Variants in INO80C observed in about 807,000 individuals in gnomAD.
The protein encoded by INO80C is INO80 complex subunit C, also known as IES6 homolog.
Under a neutral mutation model 17.7 loss-of-function variants are expected in INO80C, and 17 were observed. The ratio of observed to expected loss-of-function variants is 0.96; its 90% CI spans 0.66 to 1.44. The LOEUF (loss-of-function observed/expected upper bound fraction) is 1.44, where lower values mean the gene tolerates loss of function less well. INO80C is among the 40% of genes most tolerant of loss of function. INO80C has a pLI of 0.00. For synonymous variants in INO80C, 96 were observed against 95.8 expected, an observed-to-expected ratio of 1.00 and a Z score of -0.01; for missense variants, 244 against 245.0, an observed-to-expected ratio of 1.00 and a Z score of 0.03.
intron 1 of INO80C, chr18:35,487,929 C>CT: frequency 6.6e-6 from 1 of 152,286 alleles, no homozygotes; most frequent in East Asian, 1.9e-4. Flanking sequence ...AACAAAGGGG[C>CT]TACAGGACCC....
At chr18:35,478,370 AGAT>A in intron 3 of INO80C, 21 bp from the exon 4 acceptor site, 1 of 1,469,956 alleles carries the variant, frequency 6.8e-7, no homozygotes, top group Non-Finnish European at 9.3e-7. Context: ...AAAAAAAAAA[AGAT>A]AACTAAACTG....
At chr18:35,474,696 A>C (rs1454522262) in intron 4 of INO80C, among the ~76,000 whole-genome samples, 1 of 152,136 alleles carries the variant, frequency 6.6e-6, no homozygotes, top group Non-Finnish European at 1.5e-5. Context: ...CTAAATAAAT[A>C]AATAATTTAA....
chr18:35,475,607 C>A (rs139752504), intron 4 of INO80C, among the ~76,000 whole-genome samples: 129 of 151,696 alleles, frequency 8.5e-4, no homozygotes, highest in African/African-American at 3.1e-3. Flanking sequence ...GAGGTCAAGA[C>A]GGCTGCAGTG....
intron 4 of INO80C, among the ~76,000 whole-genome samples, chr18:35,473,995 G>A (rs143902953): frequency 6.6e-6 from 1 of 151,680 alleles, no homozygotes; most frequent in East Asian, 1.9e-4. Context: ...CATCCATAAT[G>A]TCCAGTACAC....
intron 4 of INO80C, among the ~76,000 whole-genome samples, chr18:35,473,943 C>T (rs557484131): frequency 1.4e-4 from 22 of 152,054 alleles, no homozygotes; most frequent in African/African-American, 5.1e-4. Flanking sequence ...AAAAAATACT[C>T]TTCAAGGAAA....
chr18:35,497,957 T>C lies in INO80C; in HGVS notation c.-83A>G, dbSNP rs1325586242. 1.4e-6 allele frequency: 2 copies of C among 1,394,006 alleles called. No homozygotes were observed. The highest frequency in any genetic ancestry group is 1.9e-6 in the Non-Finnish European group (2 of 1,055,872). 86.4% of individuals were successfully genotyped at this position (1,394,006 alleles called of 1,614,324 possible). A position where few individuals can be genotyped will look rare whatever the true frequency, so the allele number is the denominator to read the frequency against. ...TTCCTTTCCGCTGTTACTTCCGTCT[T>C]GATGCTTGAAAACCCGGCCTGGACT... is the stretch of plus-strand genomic sequence containing the variant. On this transcript the variant is annotated 5_prime_UTR_variant, in exon 1 of 5. Coordinates refer to ENST00000334598, the MANE Select transcript of INO80C (RefSeq NM_194281.4).
At chr18:35,491,781 A>G (rs1239760330) in intron 1 of INO80C, among the ~76,000 whole-genome samples, 2 of 152,176 alleles carry the variant, frequency 1.3e-5, no homozygotes, top group Non-Finnish European at 2.9e-5. Flanking sequence ...CTAAAGCACT[A>G]TTATCACTAA....
chr18:35,476,667 T>C (rs1033417539), intron 4 of INO80C, among the ~76,000 whole-genome samples: 1 of 152,256 alleles, frequency 6.6e-6, no homozygotes. Flanking sequence ...TAAAGATGAA[T>C]AGCCTAAGGA....
At chr18:35,474,185 A>T (rs1215427767) in intron 4 of INO80C, among the ~76,000 whole-genome samples, 2 of 122,042 alleles carry the variant, frequency 1.6e-5, no homozygotes, top group Admixed American at 1.9e-4. Flanking sequence ...ATGTATATAT[A>T]TGTGTATATG....
intron 1 of INO80C, among the ~76,000 whole-genome samples, chr18:35,481,901 G>C (rs1293850820): frequency 3.9e-5 from 6 of 152,128 alleles, no homozygotes; most frequent in Admixed American, 2.0e-4. Flanking sequence ...ACAAAGAAAA[G>C]TTTCTGAGAT....
Position 35,468,536 on chromosome 18 carries a change from G to A in INO80C, c.*75C>T. ...TTCAGATTGACAGCAGAACGAGTTT[G>A]TTTCCGTGAAACAAAATCATGAGTC... On this transcript the variant is annotated 3_prime_UTR_variant, in exon 5 of 5. Transcript: ENST00000334598. 6.3e-7 allele frequency: 1 copy of A among 1,596,472 alleles called. No homozygotes were observed. The highest frequency in any genetic ancestry group is 1.7e-5 in the Admixed American group (1 of 58,972).
At chr18:35,478,649 T>G (rs572622402) in intron 3 of INO80C, among the ~76,000 whole-genome samples, 1 of 152,144 alleles carries the variant, frequency 6.6e-6, no homozygotes, top group East Asian at 1.9e-4. Flanking sequence ...GATCTCACAC[T>G]ACATGGGCTG....
intron 2 of INO80C, among the ~76,000 whole-genome samples, chr18:35,479,694 TG>T (rs573313532): frequency 2.0e-3 from 305 of 152,266 alleles, no homozygotes; most frequent in Non-Finnish European, 3.4e-3. Context: ...AAGCCTTTAT[TG>T]GGTCTAACTT....
chr18:35,472,434 G>A (rs933254931), intron 4 of INO80C, among the ~76,000 whole-genome samples: 7 of 152,088 alleles, frequency 4.6e-5, no homozygotes, highest in Non-Finnish European at 1.0e-4. Context: ...TCCTTTGCCC[G>A]CTTTTTGATG....
At chr18:35,491,258 G>A (rs1022066375) in intron 1 of INO80C, among the ~76,000 whole-genome samples, 17 of 152,310 alleles carry the variant, frequency 1.1e-4, no homozygotes, top group Admixed American at 7.2e-4. Flanking sequence ...AGACAAGCAC[G>A]TCTGCTGAGA....
At chr18:35,495,821 A>G (rs966532368) in intron 1 of INO80C, among the ~76,000 whole-genome samples, 1 of 152,134 alleles carries the variant, frequency 6.6e-6, no homozygotes, top group African/African-American at 2.4e-5. Context: ...ACACATCAAT[A>G]TAATTTTTTT....
chr18:35,479,466 C>A, intron 2 of INO80C, 55 bp from the exon 3 acceptor site: 1 of 1,050,110 alleles, frequency 9.5e-7, no homozygotes, highest in East Asian at 2.4e-5. Flanking sequence ...ACTACCATTT[C>A]GACATCTGAC....
chr18:35,485,962 A>G (rs2045869779), intron 1 of INO80C, among the ~76,000 whole-genome samples: 1 of 152,124 alleles, frequency 6.6e-6, no homozygotes, highest in African/African-American at 2.4e-5. Flanking sequence ...CTTTCTCTAC[A>G]AAAAATAAAA....
intron 1 of INO80C, among the ~76,000 whole-genome samples, chr18:35,486,740 T>C: frequency 7.9e-6 from 1 of 127,296 alleles, no homozygotes; most frequent in Non-Finnish European, 1.6e-5. Context: ...TGTCTGGCAA[T>C]AGCCACTGCA....
Sources: gnomAD v4.1 joint callset for allele counts (sites outside exome capture counted in the v4.1 genomes callset) on GRCh38, gnomAD v4.1.1 for gene constraint, MANE v1.5 for transcripts, NCBI Gene and HGNC (gene_info 2026-07-23, HGNC 2026-07-21) for gene names.